Variants in HYDIN observed in about 807,000 individuals in gnomAD.
HYDIN encodes the protein axonemal central pair apparatus protein HYDIN.
A neutral mutation model predicts 403.9 loss-of-function variants in HYDIN; 132 were observed. That is an observed-to-expected ratio of 0.33 (90% CI 0.28 to 0.38). HYDIN has a LOEUF of 0.38. Among genes scored for constraint, HYDIN ranks in the 10% least tolerant of loss-of-function variants. The pLI is 1.00. For missense variants in HYDIN, 2,827 were observed against 5,009.5 expected, an observed-to-expected ratio of 0.56 and a Z score of 13.15; for synonymous variants, 1,202 against 1,891.7, an observed-to-expected ratio of 0.64 and a Z score of 9.46.
chr16:71,040,551 TTC>T (rs1231858050), intron 18 of HYDIN, among the ~76,000 whole-genome samples: 3 of 135,184 alleles, frequency 2.2e-5, no homozygotes, highest in Non-Finnish European at 4.8e-5. Flanking sequence ...TCCCAGTTTT[TTC>T]TGTTTGATCC....
intron 1 of HYDIN, among the ~76,000 whole-genome samples, chr16:71,222,744 A>G (rs1306959532): frequency 1.3e-5 from 2 of 152,174 alleles, no homozygotes; most frequent in Non-Finnish European, 2.9e-5. Flanking sequence ...AGCTGCAAAA[A>G]AATAAAATAA....
intron 66 of HYDIN, among the ~76,000 whole-genome samples, chr16:70,866,897 T>C (rs1259016111): frequency 4.6e-5 from 7 of 151,894 alleles, no homozygotes; most frequent in Admixed American, 1.3e-4. Flanking sequence ...TGGTGGTGCA[T>C]GCTTGTAATC....
At chr16:70,965,340 T>A (rs1312307572) in intron 36 of HYDIN, among the ~76,000 whole-genome samples, 1 of 151,614 alleles carries the variant, frequency 6.6e-6, no homozygotes, top group Non-Finnish European at 1.5e-5. Context: ...TAAAATAGTA[T>A]TAAGTACGTG....
chr16:70,928,233 C>T (rs1212867240), intron 45 of HYDIN, among the ~76,000 whole-genome samples: 4 of 152,176 alleles, frequency 2.6e-5, no homozygotes, highest in African/African-American at 4.8e-5. Flanking sequence ...GAGGCCGAGG[C>T]GGGTGGACTG....
chr16:71,218,784 T>C (rs1167504263), intron 1 of HYDIN, among the ~76,000 whole-genome samples: 1 of 152,214 alleles, frequency 6.6e-6, no homozygotes, highest in East Asian at 1.9e-4. Context: ...TATTAAATCG[T>C]AATTCCCTCT....
At chr16:71,069,122 T>C in intron 14 of HYDIN, 145 bp downstream of exon 14, 5 of 687,144 alleles carry the variant, frequency 7.3e-6, no homozygotes, top group South Asian at 1.9e-5. Context: ...ATTTATTTCC[T>C]TATAGGCCCA....
chr16:71,225,784 C>G (rs1210090339), intron 1 of HYDIN, among the ~76,000 whole-genome samples: 1 of 151,674 alleles, frequency 6.6e-6, no homozygotes, highest in Non-Finnish European at 1.5e-5. Flanking sequence ...GAATGAACAA[C>G]TGGAAACTGA....
chr16:71,018,717 C>T (rs1257773410), intron 22 of HYDIN, among the ~76,000 whole-genome samples: 3 of 152,338 alleles, frequency 2.0e-5, no homozygotes, highest in Non-Finnish European at 4.4e-5. Context: ...CAAGGAAAAT[C>T]TGGAATTATT....
intron 28 of HYDIN, among the ~76,000 whole-genome samples, chr16:70,982,995 TA>T (rs1252111230): frequency 4.5e-5 from 6 of 134,130 alleles, no homozygotes; most frequent in Non-Finnish European, 9.4e-5. Flanking sequence ...TTCAAATGCT[TA>T]AAAATCTTTA....
intron 83 of HYDIN, among the ~76,000 whole-genome samples, chr16:70,825,673 AC>A (rs2036548097): frequency 6.8e-6 from 1 of 147,384 alleles, no homozygotes; most frequent in Admixed American, 6.6e-5. Flanking sequence ...AATCCCTAAA[AC>A]CCTATAACCA....
At chr16:71,019,586 G>C (rs1482823286) in intron 22 of HYDIN, among the ~76,000 whole-genome samples, 1 of 152,266 alleles carries the variant, frequency 6.6e-6, no homozygotes, top group African/African-American at 2.4e-5. Context: ...CGCCATGCTT[G>C]GTGATTAAAT....
At chr16:70,937,159 C>T (rs866924089) in intron 44 of HYDIN, among the ~76,000 whole-genome samples, 1 of 146,692 alleles carries the variant, frequency 6.8e-6, no homozygotes, top group Non-Finnish European at 1.5e-5. Context: ...TGTGTGTGCG[C>T]GTGTGTGGTG....
chr16:71,025,843 G>GGGCATA (rs1464840534), intron 20 of HYDIN, among the ~76,000 whole-genome samples: 1 of 152,058 alleles, frequency 6.6e-6, no homozygotes, highest in Non-Finnish European at 1.5e-5. Context: ...TAGTTCAAAG[G>GGGCATA]TGGTTATATG....
At chr16:71,117,592 A>G (rs1431799029) in intron 9 of HYDIN, among the ~76,000 whole-genome samples, 1 of 152,082 alleles carries the variant, frequency 6.6e-6, no homozygotes, top group Non-Finnish European at 1.5e-5. Flanking sequence ...GGGCCAAGTG[A>G]GCATAAACGA....
chr16:70,872,260 A>G (rs113585744), intron 64 of HYDIN, 81 bp from the exon 65 acceptor site: 15,500 of 575,300 alleles, frequency 0.027, 1,788 homozygotes, highest in African/African-American at 0.26. Flanking sequence ...ATAGTGCTTC[A>G]CTCACATGCA....
chr16:71,116,489 A>G (rs1364516824), intron 9 of HYDIN, among the ~76,000 whole-genome samples: 1 of 152,064 alleles, frequency 6.6e-6, no homozygotes. Flanking sequence ...TGCAATGAAC[A>G]TGGGGGTGCA....
intron 8 of HYDIN, among the ~76,000 whole-genome samples, chr16:71,130,473 T>TG (rs1226482379): frequency 5.6e-5 from 7 of 124,426 alleles, no homozygotes; most frequent in Non-Finnish European, 1.2e-4. Context: ...TATACCGGTT[T>TG]TTTTTTTTTT....
At position 70,992,098 on chromosome 16, in the gene HYDIN, G is replaced by A. The variant is rs755898575; in HGVS notation, c.3757C>T (p.Pro1253Ser). 5.0e-6 allele frequency: 8 copies of A among 1,613,346 alleles called. No homozygotes were observed. The highest frequency in any genetic ancestry group is 3.3e-5 in the Admixed American group (2 of 59,878). The change falls in exon 24 of 86, where the codon CCC becomes TCC. Residue 1253 changes from proline (P) to serine (S), a missense_variant. Transcript: ENST00000393567. Reference protein sequence around the residue: ...PPAILVTVESPEMDLNDFVKT... With the variant: ...PPAILVTVESSEMDLNDFVKT... ...ACAAAATCATTTAAATCCATCTCGG[G>A]GGACTCTACTGTAACTAGGATTGCT...
chr16:70,856,929 T>C (rs1228962194), intron 72 of HYDIN, among the ~76,000 whole-genome samples: 1 of 152,160 alleles, frequency 6.6e-6, no homozygotes, highest in Non-Finnish European at 1.5e-5. Flanking sequence ...AAGAATATTA[T>C]TTTACAAATA....
Sources: gnomAD v4.1 joint callset for allele counts (sites outside exome capture counted in the v4.1 genomes callset) on GRCh38, gnomAD v4.1.1 for gene constraint, MANE v1.5 for transcripts, NCBI Gene and HGNC (gene_info 2026-07-23, HGNC 2026-07-21) for gene names.